Variants in PBX3 observed in about 807,000 individuals in gnomAD.
The protein encoded by PBX3 is PBX homeobox 3, also known as pre-B-cell leukemia transcription factor 3.
PBX3 carries 14 observed loss-of-function variants against 48.5 expected under a neutral mutation model. The observed-to-expected ratio is 0.29, with a 90% CI of 0.19 to 0.45. The LOEUF (loss-of-function observed/expected upper bound fraction) is 0.45. PBX3 is among the 20% of genes least tolerant of loss of function. The pLI, the probability that PBX3 is intolerant of heterozygous loss-of-function variation, is 1.00. For missense variants in PBX3, 386 were observed against 546.7 expected, an observed-to-expected ratio of 0.71 and a Z score of 2.93; for synonymous variants, 210 against 200.3, an observed-to-expected ratio of 1.05 and a Z score of -0.41.
At chr9:125,922,568 A>T (rs1417862467) in intron 3 of PBX3, among the ~76,000 whole-genome samples, 1 of 152,200 alleles carries the variant, frequency 6.6e-6, no homozygotes, top group Non-Finnish European at 1.5e-5. Flanking sequence ...GCAAGGAAAA[A>T]TTTCTCCAAA....
intron 2 of PBX3, among the ~76,000 whole-genome samples, chr9:125,781,594 G>GAGAGGGAGAGGC (rs1837318314): frequency 2.1e-5 from 3 of 145,010 alleles, no homozygotes; most frequent in Non-Finnish European, 4.5e-5. Flanking sequence ...GGCGAGAGGC[G>GAGAGGGAGAGGC]AGAGGGAGAG....
intron 2 of PBX3, among the ~76,000 whole-genome samples, chr9:125,775,851 C>T (rs1469110766): frequency 6.6e-6 from 1 of 152,156 alleles, no homozygotes; most frequent in African/African-American, 2.4e-5. Context: ...ATTAAGTCTT[C>T]CAATCCATGA....
At chr9:125,753,464 G>T (rs955045341) in intron 2 of PBX3, among the ~76,000 whole-genome samples, 7 of 151,812 alleles carry the variant, frequency 4.6e-5, no homozygotes, top group Non-Finnish European at 7.4e-5. Flanking sequence ...TTGCCAAGCT[G>T]GTTTAGAACC....
At chr9:125,797,459 A>T (rs1415882009) in intron 2 of PBX3, 1 of 152,022 alleles carries the variant, frequency 6.6e-6, no homozygotes, top group Non-Finnish European at 1.5e-5. Context: ...CTTTACCTCT[A>T]CTCAAGGTGA....
At chr9:125,824,059 G>T (rs1284206013) in intron 2 of PBX3, among the ~76,000 whole-genome samples, 5 of 148,286 alleles carry the variant, frequency 3.4e-5, no homozygotes, top group African/African-American at 1.3e-4. Context: ...CTGGGTGACA[G>T]AGCAAGACTT....
intron 2 of PBX3, among the ~76,000 whole-genome samples, chr9:125,800,972 C>T (rs932136819): frequency 2.6e-5 from 4 of 151,970 alleles, no homozygotes; most frequent in South Asian, 2.1e-4. Flanking sequence ...AGGCTGATCT[C>T]GAACTCCTGA....
chr9:125,874,735 A>C (rs955860965), intron 2 of PBX3, among the ~76,000 whole-genome samples: 4 of 152,206 alleles, frequency 2.6e-5, no homozygotes, highest in Non-Finnish European at 5.9e-5. Flanking sequence ...ATGTATTGCC[A>C]GTGGGAATAT....
At chr9:125,750,497 A>T (rs1305576630) in intron 2 of PBX3, among the ~76,000 whole-genome samples, 1 of 152,196 alleles carries the variant, frequency 6.6e-6, no homozygotes, top group Non-Finnish European at 1.5e-5. Flanking sequence ...AGTATAGTCA[A>T]CCACATGTCA....
chr9:125,852,379 A>T (rs1009551177), intron 2 of PBX3, among the ~76,000 whole-genome samples: 1 of 152,060 alleles, frequency 6.6e-6, no homozygotes, highest in Non-Finnish European at 1.5e-5. Context: ...TTCCCTTTAT[A>T]GTAAAATGTT....
chr9:125,856,153 T>C (rs1839714434), intron 2 of PBX3, among the ~76,000 whole-genome samples: 1 of 152,044 alleles, frequency 6.6e-6, no homozygotes, highest in South Asian at 2.1e-4. Context: ...TTAATGAATG[T>C]CATAAATACG....
At chr9:125,875,702 T>C (rs1033899446) in intron 2 of PBX3, among the ~76,000 whole-genome samples, 2 of 152,212 alleles carry the variant, frequency 1.3e-5, no homozygotes, top group African/African-American at 4.8e-5. Flanking sequence ...ATACTGCTTA[T>C]ATCATGCTAC....
intron 2 of PBX3, among the ~76,000 whole-genome samples, chr9:125,766,043 G>A (rs1344136922): frequency 6.6e-6 from 1 of 152,064 alleles, no homozygotes. Flanking sequence ...AGGAATGGGA[G>A]GACTAGTTTT....
chr9:125,963,192 A>G (rs1262222193), intron 8 of PBX3, 91 bp downstream of exon 8: 10 of 638,150 alleles, frequency 1.6e-5, no homozygotes, highest in African/African-American at 3.7e-5. Context: ...CTGGCTTCTC[A>G]TCTTCTTGGC....
intron 3 of PBX3, among the ~76,000 whole-genome samples, chr9:125,929,149 C>T (rs1257778498): frequency 2.0e-5 from 3 of 152,172 alleles, no homozygotes; most frequent in Non-Finnish European, 4.4e-5. Context: ...TTAATATCTT[C>T]CTGTTAGTCT....
intron 2 of PBX3, among the ~76,000 whole-genome samples, chr9:125,800,562 C>T (rs1837909967): frequency 2.0e-5 from 3 of 152,132 alleles, no homozygotes; most frequent in East Asian, 1.9e-4. Flanking sequence ...GAGCATTATC[C>T]CAACACCTCA....
chr9:125,963,757 A>C (rs2118830246), intron 8 of PBX3, among the ~76,000 whole-genome samples: 1 of 152,244 alleles, frequency 6.6e-6, no homozygotes, highest in East Asian at 1.9e-4. Context: ...TTCTAGACTT[A>C]GGAAGGAAAT....
intron 2 of PBX3, among the ~76,000 whole-genome samples, chr9:125,752,492 G>A (rs552735296): frequency 6.6e-6 from 1 of 152,290 alleles, no homozygotes; most frequent in East Asian, 1.9e-4. Context: ...TGTGCATTTA[G>A]TATATGATGT....
At chr9:125,878,828 G>A (rs1034812045) in intron 2 of PBX3, among the ~76,000 whole-genome samples, 9 of 152,176 alleles carry the variant, frequency 5.9e-5, no homozygotes, top group African/African-American at 2.4e-5. Context: ...GTACAAAGTC[G>A]TTAGTGATAT....
At chr9:125,854,115 CTAAT>C (rs1839657582) in intron 2 of PBX3, among the ~76,000 whole-genome samples, 1 of 151,826 alleles carries the variant, frequency 6.6e-6, no homozygotes, top group South Asian at 2.1e-4. Context: ...TTTTAATTAA[CTAAT>C]TAATTTTTGT....
Sources: allele counts gnomAD v4.1 joint callset (sites outside exome capture counted in the v4.1 genomes callset), GRCh38; gene constraint gnomAD v4.1.1; transcripts MANE v1.5; gene names NCBI Gene and HGNC (gene_info 2026-07-23, HGNC 2026-07-21).